PCCA: variants seen among roughly 807,000 people sequenced by gnomAD.
PCCA encodes propionyl-CoA carboxylase subunit alpha.
In PCCA, 74 loss-of-function variants were observed where a neutral mutation model predicts 101.3. That is an observed-to-expected ratio of 0.73 (90% CI 0.61 to 0.89). The LOEUF (loss-of-function observed/expected upper bound fraction) is 0.89. PCCA is among the 40% of genes least tolerant of loss of function. PCCA has a pLI of 0.00. For missense variants in PCCA, 891 were observed against 907.0 expected, an observed-to-expected ratio of 0.98 and a Z score of 0.23; for synonymous variants, 294 against 313.6, an observed-to-expected ratio of 0.94 and a Z score of 0.66.
chr13:100,294,373 A>G (rs1316353017), intron 12 of PCCA, among the ~76,000 whole-genome samples: 1 of 152,052 alleles, frequency 6.6e-6, no homozygotes, highest in Non-Finnish European at 1.5e-5. Context: ...TTTCCTTATC[A>G]TTTCTTCATG....
At chr13:100,211,250 CT>C (rs1472118027) in intron 7 of PCCA, among the ~76,000 whole-genome samples, 2 of 152,194 alleles carry the variant, frequency 1.3e-5, no homozygotes, top group Non-Finnish European at 1.5e-5. Flanking sequence ...CCCTATCACT[CT>C]ACAGCTAGTT....
At chr13:100,227,620 T>A (rs577001029) in intron 7 of PCCA, among the ~76,000 whole-genome samples, 51 of 152,328 alleles carry the variant, frequency 3.3e-4, no homozygotes, top group Non-Finnish European at 5.3e-4. Flanking sequence ...GCTACTCTTT[T>A]GGCATTGTAT....
intron 7 of PCCA, among the ~76,000 whole-genome samples, chr13:100,220,059 T>C (rs1380424773): frequency 6.6e-6 from 1 of 152,112 alleles, no homozygotes; most frequent in Non-Finnish European, 1.5e-5. Context: ...TCACAAGAAG[T>C]GAGGAAGGAG....
intron 21 of PCCA, among the ~76,000 whole-genome samples, chr13:100,498,888 A>T (rs1020821699): frequency 3.9e-5 from 6 of 152,154 alleles, no homozygotes; most frequent in Admixed American, 3.9e-4. Context: ...TCTTGTTAGC[A>T]TGCTTGTTTA....
intron 12 of PCCA, among the ~76,000 whole-genome samples, chr13:100,294,921 CT>C (rs2065407890): frequency 6.6e-6 from 1 of 152,126 alleles, no homozygotes; most frequent in Admixed American, 6.5e-5. Context: ...AAATTGGTTT[CT>C]AAGCCCTGCA....
intron 4 of PCCA, among the ~76,000 whole-genome samples, chr13:100,144,121 C>G (rs570651036): frequency 6.6e-6 from 1 of 152,050 alleles, no homozygotes; most frequent in African/African-American, 2.4e-5. Flanking sequence ...AATGACTGTG[C>G]TAAGGAAAAC....
rs1180275595 is a variant in PCCA at position 100,471,131 on chromosome 13, G to A, written c.1899+21826G>A. Reference sequence around the variant, plus strand: ...TTGAACACTTAGAGGCCACTGTAGGGTTATTAATTGGCTTAATTTCAATAC... The same window carrying A: ...TTGAACACTTAGAGGCCACTGTAGGATTATTAATTGGCTTAATTTCAATAC... On this transcript the variant is annotated intron_variant, in intron 21 of 23. Coordinates refer to ENST00000376285, the MANE Select transcript of PCCA (RefSeq NM_000282.4). 2.6e-5 allele frequency among the ~76,000 whole-genome samples: 4 copies of A among 152,182 alleles called. No homozygotes were observed. The East Asian group carries it at 7.7e-4, about 29-fold the overall frequency.
intron 8 of PCCA, among the ~76,000 whole-genome samples, chr13:100,253,632 G>T (rs147308509): frequency 6.6e-6 from 1 of 152,104 alleles, no homozygotes; most frequent in Non-Finnish European, 1.5e-5. Context: ...TATTTTCTTC[G>T]TATATTTTGT....
rs7328106 is a variant in PCCA, at chr13:100,107,028, C to T, written c.183+4068C>T. The stretch of plus-strand genomic sequence containing the variant: ...TCCCGGATTCCTGCTGTCCTTGTAA[C>T]CATTCATTAAATACTGACCTGGTTT... On this transcript the variant is annotated intron_variant, in intron 2 of 23. Coordinates refer to ENST00000376285, the MANE Select transcript of PCCA (RefSeq NM_000282.4). Among the ~76,000 whole-genome samples, 1,115 of 152,294 alleles carry T rather than the reference C, an allele frequency of 7.3e-3. 16 individuals carry two copies. The highest frequency in any genetic ancestry group is 0.026 in the African/African-American group (1,066 of 41,570).
At chr13:100,510,032 A>T (rs2086362650) in intron 21 of PCCA, among the ~76,000 whole-genome samples, 1 of 152,172 alleles carries the variant, frequency 6.6e-6, no homozygotes, top group Non-Finnish European at 1.5e-5. Flanking sequence ...GTTTTTATAA[A>T]TGTATATTAA....
At chr13:100,516,626 T>TGTG (rs1197656983) in intron 22 of PCCA, among the ~76,000 whole-genome samples, 1 of 152,178 alleles carries the variant, frequency 6.6e-6, no homozygotes, top group African/African-American at 2.4e-5. Context: ...GCTACGTGGC[T>TGTG]GTGAATTGTT....
rs573543059 is a variant in PCCA at position 100,307,276 on chromosome 13, C to T, written c.1353+16C>T. 12 of 1,481,128 alleles carry T rather than the reference C, an allele frequency of 8.1e-6. No individual in the cohort carries two copies. Among genetic ancestry groups the T allele is most frequent in the Non-Finnish European group, 1.1e-5 (12 of 1,059,728 alleles). 91.7% of individuals were successfully genotyped at this position (1,481,128 alleles called of 1,614,324 possible). A position where few individuals can be genotyped will look rare whatever the true frequency, so the allele number is the denominator to read the frequency against. On this transcript the variant is annotated intron_variant, in intron 15 of 23. Transcript: ENST00000376285. ...GATTTCAAAAGTTAGTTTAATTTCT[C>T]AATGGATTATTTGATTTCTTCGAAA... is the stretch of plus-strand genomic sequence containing the variant.
chr13:100,423,247 G>A (rs1482264444), intron 19 of PCCA, among the ~76,000 whole-genome samples: 1 of 152,102 alleles, frequency 6.6e-6, no homozygotes, highest in Non-Finnish European at 1.5e-5. Context: ...AGTGACCCTT[G>A]ACTGAAGGGT....
At chr13:100,247,269 G>A (rs1416957002) in intron 8 of PCCA, among the ~76,000 whole-genome samples, 1 of 145,818 alleles carries the variant, frequency 6.9e-6, no homozygotes, top group African/African-American at 2.6e-5. Flanking sequence ...CCAGACGGGA[G>A]TACAGTGGCA....
Position 100,369,206 on chromosome 13 carries a change from C to T in PCCA, c.1746+632C>T, listed in dbSNP as rs1241207143. ...GTTGCTGTTTTAAGTCGTATGCCTT[C>T]GTGTTTTCAGCCTGAACTCAAGGAG... On this transcript the variant is annotated intron_variant, in intron 19 of 23. Coordinates refer to ENST00000376285, the MANE Select transcript of PCCA (RefSeq NM_000282.4). Among the ~76,000 whole-genome samples the T allele has an allele frequency of 2.0e-5, 3 of 152,102 alleles. No homozygotes were observed. In the East Asian group the frequency reaches 5.8e-4, roughly 29 times the overall value.
intron 4 of PCCA, 34 bp from the exon 5 acceptor site, chr13:100,154,945 G>A: frequency 7.4e-7 from 1 of 1,345,648 alleles, no homozygotes; most frequent in Non-Finnish European, 1.1e-6. Context: ...TTTTTGCTGG[G>A]CGCATCTGTT....
At chr13:100,117,100 A>G (rs528259165) in intron 4 of PCCA, among the ~76,000 whole-genome samples, 2 of 152,298 alleles carry the variant, frequency 1.3e-5, no homozygotes, top group African/African-American at 4.8e-5. Context: ...GTCCTTGCCA[A>G]CACTTGGTGT....
chr13:100,197,277 G>A (rs1229275702), intron 6 of PCCA, among the ~76,000 whole-genome samples: 1 of 152,018 alleles, frequency 6.6e-6, no homozygotes, highest in African/African-American at 2.4e-5. Context: ...GTGTGAACAT[G>A]GCTCACTGCA....
At chr13:100,266,412 A>T (rs560597462) in intron 10 of PCCA, among the ~76,000 whole-genome samples, 1 of 152,346 alleles carries the variant, frequency 6.6e-6, no homozygotes, top group South Asian at 2.1e-4. Context: ...CTCCCAGTTA[A>T]TAGGCCACAC....
Sources: gnomAD v4.1 joint callset for allele counts (sites outside exome capture counted in the v4.1 genomes callset) on GRCh38, gnomAD v4.1.1 for gene constraint, MANE v1.5 for transcripts, NCBI Gene and HGNC (gene_info 2026-07-23, HGNC 2026-07-21) for gene names.